PTPRD: variants seen among roughly 807,000 people sequenced by gnomAD.
PTPRD encodes protein tyrosine phosphatase receptor type D.
A neutral mutation model predicts 214.5 loss-of-function variants in PTPRD; 34 were observed. The ratio of observed to expected loss-of-function variants is 0.16; its 90% CI spans 0.12 to 0.21. The LOEUF (loss-of-function observed/expected upper bound fraction) is 0.21, where lower values mean the gene tolerates loss of function less well. Ranked by LOEUF, PTPRD falls within the 10% of genes least tolerant of loss-of-function variation. PTPRD has a pLI of 1.00. For missense variants in PTPRD, 2,545 were observed against 2,398.7 expected (o/e 1.06, Z -1.27); for synonymous variants, 1,128 against 845.7 (o/e 1.33, Z -5.79).
intron 10 of PTPRD, among the ~76,000 whole-genome samples, chr9:9,152,636 C>T (rs1322143305): frequency 1.3e-5 from 2 of 152,186 alleles, no homozygotes; most frequent in African/African-American, 4.8e-5. Context: ...AATTGCTTGA[C>T]TGTAATTTTC....
chr9:9,234,962 G>A (rs1306953688), intron 9 of PTPRD, among the ~76,000 whole-genome samples: 1 of 152,144 alleles, frequency 6.6e-6, no homozygotes, highest in Non-Finnish European at 1.5e-5. Flanking sequence ...TTACAGCAAT[G>A]CCCCACTACC....
chr9:8,802,980 G>T (rs911556023), intron 11 of PTPRD, among the ~76,000 whole-genome samples: 1 of 152,066 alleles, frequency 6.6e-6, no homozygotes, highest in Non-Finnish European at 1.5e-5. Flanking sequence ...TTGAGCCCAG[G>T]AGTTTGAAGT....
At chr9:9,368,399 A>G (rs964575614) in intron 9 of PTPRD, among the ~76,000 whole-genome samples, 25 of 151,980 alleles carry the variant, frequency 1.6e-4, no homozygotes, top group Non-Finnish European at 3.7e-4. Flanking sequence ...ATTCCTTGTT[A>G]GGAATCTACA....
rs79974064 is a variant in PTPRD at position 9,283,543 on chromosome 9, A to T, written c.-202-100180T>A. Reference sequence around the variant, plus strand: ...CTAGGAAGTAAGCCCAATTATCACTAGTGATAGAACAAATAGAAAAATGAC... The same window carrying T: ...CTAGGAAGTAAGCCCAATTATCACTTGTGATAGAACAAATAGAAAAATGAC... On this transcript the variant is annotated intron_variant, in intron 9 of 45. Coordinates refer to ENST00000381196, the MANE Select transcript of PTPRD (RefSeq NM_002839.4). Among the ~76,000 whole-genome samples, 222 of 151,624 alleles carry T rather than the reference A, an allele frequency of 1.5e-3. 1 individual carries two copies. Among genetic ancestry groups the T allele is most frequent in the Non-Finnish European group, 2.2e-3 (146 of 67,676 alleles).
At chr9:9,112,655 A>G (rs2099807690) in intron 10 of PTPRD, among the ~76,000 whole-genome samples, 2 of 152,180 alleles carry the variant, frequency 1.3e-5, no homozygotes, top group South Asian at 4.1e-4. Flanking sequence ...CACTTCCAAT[A>G]TTCATCAAAT....
At chr9:8,877,512 C>T (rs1168195015) in intron 11 of PTPRD, among the ~76,000 whole-genome samples, 5 of 151,974 alleles carry the variant, frequency 3.3e-5, no homozygotes, top group Admixed American at 2.6e-4. Context: ...TAAATAGATT[C>T]TAATATTTTA....
intron 3 of PTPRD, among the ~76,000 whole-genome samples, chr9:10,326,054 G>A (rs569174496): frequency 6.6e-6 from 1 of 151,616 alleles, no homozygotes; most frequent in African/African-American, 2.4e-5. Context: ...CTGATTAATT[G>A]TAAGGTAGAT....
At chr9:8,662,375 G>A (rs568596084) in intron 12 of PTPRD, among the ~76,000 whole-genome samples, 3 of 152,252 alleles carry the variant, frequency 2.0e-5, no homozygotes, top group African/African-American at 7.2e-5. Flanking sequence ...AATGCTTGAG[G>A]AAGAACACCA....
intron 7 of PTPRD, among the ~76,000 whole-genome samples, chr9:9,714,710 T>C (rs1400309757): frequency 6.6e-6 from 1 of 152,138 alleles, no homozygotes; most frequent in Non-Finnish European, 1.5e-5. Context: ...ATCATACTGA[T>C]AGCTGTGAGT....
intron 2 of PTPRD, among the ~76,000 whole-genome samples, chr9:10,510,363 A>G (rs1389575540): frequency 6.6e-6 from 1 of 152,142 alleles, no homozygotes; most frequent in East Asian, 1.9e-4. Flanking sequence ...ATGGGTTTGA[A>G]AACTGAAGTT....
At chr9:9,086,951 G>T (rs1040133822) in intron 10 of PTPRD, among the ~76,000 whole-genome samples, 1 of 152,094 alleles carries the variant, frequency 6.6e-6, no homozygotes, top group African/African-American at 2.4e-5. Flanking sequence ...GGGAAGAGAA[G>T]AAAAGAGAAA....
At chr9:8,618,502 C>G (rs1019253553) in intron 14 of PTPRD, among the ~76,000 whole-genome samples, 7 of 151,942 alleles carry the variant, frequency 4.6e-5, no homozygotes, top group African/African-American at 1.7e-4. Flanking sequence ...TGAAAGAGGA[C>G]TAATTACTTG....
chr9:10,419,576 C>G (rs773430860), intron 2 of PTPRD, among the ~76,000 whole-genome samples: 1 of 151,704 alleles, frequency 6.6e-6, no homozygotes, highest in African/African-American at 2.4e-5. Flanking sequence ...ACATGATATA[C>G]TTTGATTAAG....
chr9:8,871,978 G>A (rs2098308613), intron 11 of PTPRD, among the ~76,000 whole-genome samples: 1 of 152,116 alleles, frequency 6.6e-6, no homozygotes, highest in Non-Finnish European at 1.5e-5. Flanking sequence ...CAAGCCAGCA[G>A]CCTGTGGAAA....
intron 3 of PTPRD, among the ~76,000 whole-genome samples, chr9:10,108,133 C>T (rs1591379222): frequency 1.3e-5 from 2 of 152,044 alleles, no homozygotes; most frequent in Non-Finnish European, 2.9e-5. Flanking sequence ...ATTGTTGCTG[C>T]TTTAGAACAC....
At chr9:9,939,970 G>T (rs2090944424) in intron 4 of PTPRD, among the ~76,000 whole-genome samples, 1 of 152,114 alleles carries the variant, frequency 6.6e-6, no homozygotes, top group Non-Finnish European at 1.5e-5. Context: ...TTCTCACTTA[G>T]ATAATAACTT....
chr9:10,097,252 T>C (rs996519697), intron 3 of PTPRD, among the ~76,000 whole-genome samples: 2 of 148,356 alleles, frequency 1.3e-5, no homozygotes, highest in African/African-American at 5.0e-5. Flanking sequence ...AACTTTAAAG[T>C]AGTTTTTTCC....
chr9:8,934,475 AT>A (rs1567099898), intron 11 of PTPRD, among the ~76,000 whole-genome samples: 40 of 9,252 alleles, frequency 4.3e-3, no homozygotes, highest in African/African-American at 6.3e-3. Flanking sequence ...ATATATATAT[AT>A]AAATATATAT....
chr9:8,600,705 G>A (rs2094804280), intron 14 of PTPRD, among the ~76,000 whole-genome samples: 1 of 151,748 alleles, frequency 6.6e-6, no homozygotes, highest in African/African-American at 2.4e-5. Context: ...AGTCCAGGCA[G>A]AATCCAGACC....
Sources: allele counts gnomAD v4.1 joint callset (sites outside exome capture counted in the v4.1 genomes callset), GRCh38; gene constraint gnomAD v4.1.1; transcripts MANE v1.5; gene names NCBI Gene and HGNC (gene_info 2026-07-23, HGNC 2026-07-21).